Variants in PDE4A observed in about 807,000 individuals in gnomAD.
The protein encoded by PDE4A is 3',5'-cyclic-AMP phosphodiesterase 4A.
A neutral mutation model predicts 73.9 loss-of-function variants in PDE4A; 21 were observed. The ratio of observed to expected loss-of-function variants is 0.28; its 90% CI spans 0.20 to 0.41. The LOEUF (loss-of-function observed/expected upper bound fraction) is 0.41. Among genes scored for constraint, PDE4A ranks in the 10% least tolerant of loss-of-function variants. PDE4A has a pLI of 1.00. For synonymous variants in PDE4A, 463 were observed against 505.4 expected (o/e 0.92, Z 1.13); for missense variants, 958 against 1,211.4 (o/e 0.79, Z 3.10).
At chr19:10,421,833 A>T (rs2042655554) in intron 1 of PDE4A, among the ~76,000 whole-genome samples, 1 of 152,142 alleles carries the variant, frequency 6.6e-6, no homozygotes, top group East Asian at 1.9e-4. Flanking sequence ...CTCTGAGGGT[A>T]TTCTCCGATT....
At position 10,467,898 on chromosome 19, in the gene PDE4A, G is replaced by T; in HGVS notation, c.*277G>T. On this transcript the variant is annotated 3_prime_UTR_variant, in exon 15 of 15. Coordinates refer to ENST00000380702, the MANE Select transcript of PDE4A (RefSeq NM_001111307.2). ...TTTAATTGTAACATTTTTAGAAAAA[G>T]AACAAAAAAAGAAAAAAAAAAGAAA... 6.9e-6 allele frequency: 2 copies of T among 288,496 alleles called. No homozygotes were observed. Among genetic ancestry groups the T allele is most frequent in the Non-Finnish European group, 1.3e-5 (2 of 157,548 alleles). 17.9% of individuals were successfully genotyped at this position (288,496 alleles called of 1,614,324 possible).
upstream of PDE4A, chr19:10,416,913 G>A (rs1376977705): frequency 6.5e-7 from 1 of 1,537,820 alleles, no homozygotes; most frequent in East Asian, 2.4e-5. Context: ...CATGGCCACC[G>A]CAGTCCCAAC....
At chr19:10,432,067 T>C (rs1288662354) in intron 1 of PDE4A, among the ~76,000 whole-genome samples, 1 of 148,986 alleles carries the variant, frequency 6.7e-6, no homozygotes, top group Non-Finnish European at 1.5e-5. Context: ...CAGCTCGACG[T>C]CAGGGCGGGG....
intron 1 of PDE4A, among the ~76,000 whole-genome samples, chr19:10,422,568 T>C (rs2042665019): frequency 6.6e-6 from 1 of 152,116 alleles, no homozygotes; most frequent in African/African-American, 2.4e-5. Context: ...GGGCTCCTTA[T>C]CCCTGGAGCT....
chr19:10,454,012 G>T (rs537737101), intron 6 of PDE4A, among the ~76,000 whole-genome samples: 1 of 152,120 alleles, frequency 6.6e-6, no homozygotes, highest in Admixed American at 6.6e-5. Flanking sequence ...GGCAGAGCTT[G>T]GGGGTGGGGA....
At chr19:10,440,291 C>T (rs567378923) in intron 1 of PDE4A, among the ~76,000 whole-genome samples, 1 of 151,970 alleles carries the variant, frequency 6.6e-6, no homozygotes, top group Admixed American at 6.6e-5. Flanking sequence ...ACCTGTATCT[C>T]TTTCTTTTGA....
At chr19:10,435,356 G>T (rs1311249976) in intron 1 of PDE4A, among the ~76,000 whole-genome samples, 1 of 151,886 alleles carries the variant, frequency 6.6e-6, no homozygotes, top group African/African-American at 2.4e-5. Flanking sequence ...GAGTCTAGGA[G>T]TTCAAGACCA....
At chr19:10,430,755 G>T (rs1349836429) in intron 1 of PDE4A, 1 of 354,614 alleles carries the variant, frequency 2.8e-6, no homozygotes, top group Non-Finnish European at 3.9e-6. Context: ...GGGCCCGCGG[G>T]CCCGGGGCTG....
At chr19:10,448,635 A>G (rs1471195665) in intron 2 of PDE4A, among the ~76,000 whole-genome samples, 1 of 139,076 alleles carries the variant, frequency 7.2e-6, no homozygotes, top group East Asian at 2.1e-4. Flanking sequence ...GACTCTGTCT[A>G]AAAAAAAAAA....
At chr19:10,419,048 C>T (rs1337579980), upstream of PDE4A, 25 of 962,242 alleles carry the variant, frequency 2.6e-5, no homozygotes, top group Non-Finnish European at 3.1e-5. Flanking sequence ...GGGTTGAAGA[C>T]CGGCAGTCTT....
At chr19:10,433,100 C>G (rs537486329) in intron 1 of PDE4A, among the ~76,000 whole-genome samples, 2 of 152,118 alleles carry the variant, frequency 1.3e-5, no homozygotes, top group African/African-American at 4.8e-5. Context: ...TTTAAGTTCT[C>G]AGAATTCTCA....
Position 10,431,221 on chromosome 19 carries a change from C to G in PDE4A, c.320+10137C>G, listed in dbSNP as rs182796718. On this transcript the variant is annotated intron_variant, in intron 1 of 14. Transcript: ENST00000380702. Reference sequence around the variant, plus strand: ...CACATAGCAGCGATCAAAATCATCCCTGACCGCCAGGGTTGCCCTGGAGAC... The same window carrying G: ...CACATAGCAGCGATCAAAATCATCCGTGACCGCCAGGGTTGCCCTGGAGAC... 1,563 of 618,248 alleles carry G rather than the reference C, an allele frequency of 2.5e-3. 19 individuals are homozygous for G. In the African/African-American group the frequency reaches 0.027, roughly 11 times the overall value. The allele number at this position is 618,248 out of a possible 1,614,324, so 38.3% of individuals were successfully genotyped here. A position where few individuals can be genotyped will look rare whatever the true frequency, so the allele number is the denominator to read the frequency against.
At chr19:10,442,443 G>A (rs2042950268) in intron 1 of PDE4A, among the ~76,000 whole-genome samples, 1 of 152,134 alleles carries the variant, frequency 6.6e-6, no homozygotes, top group Admixed American at 6.6e-5. Context: ...AGAATTGCTT[G>A]AACCCGGGAG....
chr19:10,440,701 C>T (rs531859191), intron 1 of PDE4A, among the ~76,000 whole-genome samples: 6 of 152,280 alleles, frequency 3.9e-5, no homozygotes, highest in African/African-American at 1.4e-4. Context: ...CGGGTTCAAG[C>T]AGTTCTCGTG....
Position 10,420,844 on chromosome 19 carries a change from A to T in PDE4A, c.80A>T (p.Lys27Met). The T allele has an allele frequency of 6.3e-7, 1 of 1,589,706 alleles. No individual in the cohort carries two copies. The highest frequency in any genetic ancestry group is 2.3e-5 in the East Asian group (1 of 43,500). Residue 27 changes from lysine to methionine, a missense_variant, in exon 1 of 15, where the codon AAG becomes ATG. Physicochemically the swap from Lys to Met is moderately conservative, Grantham distance 95. Coordinates refer to ENST00000380702, the MANE Select transcript of PDE4A (RefSeq NM_001111307.2). This position sits in a 1 kb window ranked among gnomAD's most constrained non-coding sequence, Gnocchi z 6.0. ...CCCCGGGAGGGCCAGGCCACCCTGA[A>T]GCCTCCCCCGCAGCACCTGTGGCGG... ...PGPREGQATL[K>M]PPPQHLWRQP...
intron 1 of PDE4A, chr19:10,431,117 A>G (rs767356863): frequency 6.9e-7 from 1 of 1,443,724 alleles, no homozygotes; most frequent in Non-Finnish European, 9.2e-7. Context: ...CGTGGGTTCA[A>G]GTCGCCCCTG....
At chr19:10,421,361 A>G (rs955247748) in intron 1 of PDE4A, 1 of 983,698 alleles carries the variant, frequency 1.0e-6, no homozygotes, top group African/African-American at 1.8e-5. Flanking sequence ...CTGCACACTT[A>G]GGGGTCTGTA....
intron 1 of PDE4A, chr19:10,423,013 G>A (rs1016570733): frequency 8.2e-6 from 5 of 609,868 alleles, no homozygotes; most frequent in South Asian, 7.2e-5. Context: ...ATTTTGGTGG[G>A]TATCCATCTC....
intron 2 of PDE4A, among the ~76,000 whole-genome samples, chr19:10,447,073 G>C (rs2043017038): frequency 6.8e-6 from 1 of 146,108 alleles, no homozygotes; most frequent in Admixed American, 7.0e-5. Flanking sequence ...TAATTTTTTT[G>C]CATTTTTTAG....
Sources: gnomAD v4.1 joint callset for allele counts (sites outside exome capture counted in the v4.1 genomes callset) on GRCh38, gnomAD v4.1.1 for gene constraint, Gnocchi (gnomAD v3.1) non-coding constraint, MANE v1.5 for transcripts, NCBI Gene and HGNC (gene_info 2026-07-23, HGNC 2026-07-21) for gene names.